TMEM163: variants seen among roughly 807,000 people sequenced by gnomAD.
The protein encoded by TMEM163 is transmembrane protein 163.
Under a neutral mutation model 29.3 loss-of-function variants are expected in TMEM163, and 17 were observed. The observed-to-expected ratio is 0.58, with a 90% CI of 0.40 to 0.87. The LOEUF is 0.87. TMEM163 is among the 40% of genes least tolerant of loss of function. The pLI, the probability that TMEM163 is intolerant of heterozygous loss-of-function variation, is 0.00. For synonymous variants in TMEM163, 157 were observed against 160.6 expected (o/e 0.98, Z 0.17); for missense variants, 303 against 381.5 (o/e 0.79, Z 1.71).
chr2:134,463,313 C>T (rs1446840785), intron 6 of TMEM163, among the ~76,000 whole-genome samples: 2 of 152,234 alleles, frequency 1.3e-5, no homozygotes, highest in Non-Finnish European at 2.9e-5. Context: ...CAGCACAGAA[C>T]CCACCTGGTG....
chr2:134,529,781 C>T (rs1680380456), intron 4 of TMEM163, among the ~76,000 whole-genome samples: 1 of 151,806 alleles, frequency 6.6e-6, no homozygotes, highest in African/African-American at 2.4e-5. Flanking sequence ...AAAAATTGTC[C>T]AGTTTTTAAA....
chr2:134,572,341 A>C (rs901891323), intron 2 of TMEM163, among the ~76,000 whole-genome samples: 4 of 152,194 alleles, frequency 2.6e-5, no homozygotes, highest in African/African-American at 9.6e-5. Context: ...CAGTCCACAA[A>C]TTCGCCATGG....
At chr2:134,588,437 G>A (rs1681867251) in intron 2 of TMEM163, among the ~76,000 whole-genome samples, 1 of 152,104 alleles carries the variant, frequency 6.6e-6, no homozygotes, top group Non-Finnish European at 1.5e-5. Flanking sequence ...ATCACCTTGG[G>A]GTCCAATCAG....
intron 2 of TMEM163, among the ~76,000 whole-genome samples, chr2:134,703,065 A>C (rs1684737114): frequency 6.6e-6 from 1 of 152,226 alleles, no homozygotes; most frequent in Non-Finnish European, 1.5e-5. Flanking sequence ...TTCAGGCTTT[A>C]CATGGTTTGA....
intron 2 of TMEM163, among the ~76,000 whole-genome samples, chr2:134,594,138 G>A (rs940172053): frequency 2.0e-5 from 3 of 152,084 alleles, no homozygotes; most frequent in African/African-American, 7.2e-5. Context: ...AGCAGAAAAC[G>A]TGTGTATCTG....
chr2:134,457,969 AG>A, intron 7 of TMEM163, 62 bp downstream of exon 7: 1 of 1,607,064 alleles, frequency 6.2e-7, no homozygotes, highest in East Asian at 2.2e-5. Context: ...TGACTGGGGA[AG>A]GCGGTGGAAA....
chr2:134,552,410 A>G (rs1334398205), intron 2 of TMEM163, among the ~76,000 whole-genome samples: 3 of 152,174 alleles, frequency 2.0e-5, no homozygotes, highest in Non-Finnish European at 4.4e-5. Flanking sequence ...AACTATATCA[A>G]ACTTTCAAAG....
At chr2:134,458,222 G>C (rs752358833) in intron 6 of TMEM163, 49 bp from the exon 7 acceptor site, 3 of 1,607,130 alleles carry the variant, frequency 1.9e-6, no homozygotes. Context: ...AGCAATCCAA[G>C]AAAATCACCC....
At chr2:134,609,865 C>G (rs893551328) in intron 2 of TMEM163, among the ~76,000 whole-genome samples, 12 of 150,538 alleles carry the variant, frequency 8.0e-5, no homozygotes, top group African/African-American at 2.7e-4. Flanking sequence ...GGACAGATCC[C>G]GAGAACTGTA....
intron 2 of TMEM163, among the ~76,000 whole-genome samples, chr2:134,579,252 T>C (rs1231930220): frequency 6.6e-6 from 1 of 152,224 alleles, no homozygotes; most frequent in Non-Finnish European, 1.5e-5. Flanking sequence ...CTTTCCAGTT[T>C]ATCAAAGCAT....
At chr2:134,676,347 C>T (rs932914290) in intron 2 of TMEM163, among the ~76,000 whole-genome samples, 3 of 152,180 alleles carry the variant, frequency 2.0e-5, no homozygotes, top group Non-Finnish European at 4.4e-5. Flanking sequence ...AATCTCCACT[C>T]ATTCCTATGG....
At position 134,462,650 on chromosome 2, in the gene TMEM163, G is replaced by A. The variant is rs139930375; in HGVS notation, c.667+3464C>T. 4.1e-4 allele frequency among the ~76,000 whole-genome samples: 62 copies of A among 152,322 alleles called. 1 individual carries two copies. The East Asian group carries it at 8.3e-3, about 20-fold the overall frequency. On this transcript the variant is annotated intron_variant, in intron 6 of 7. Coordinates refer to ENST00000281924, the MANE Select transcript of TMEM163 (RefSeq NM_030923.5). ...TTACGTGTGTGATGGATTCATGTGCGCAAACCAGAGTCAGAAGTTGTTTCA... is the reference window on the plus strand; with the variant it reads ...TTACGTGTGTGATGGATTCATGTGCACAAACCAGAGTCAGAAGTTGTTTCA...
At chr2:134,573,091 G>A (rs1681470029) in intron 2 of TMEM163, among the ~76,000 whole-genome samples, 1 of 152,146 alleles carries the variant, frequency 6.6e-6, no homozygotes, top group African/African-American at 2.4e-5. Context: ...CAACTGGCCT[G>A]AAAGAAAATT....
At chr2:134,472,555 G>A (rs993411980) in intron 5 of TMEM163, among the ~76,000 whole-genome samples, 4 of 152,182 alleles carry the variant, frequency 2.6e-5, no homozygotes, top group African/African-American at 9.7e-5. Flanking sequence ...TCTCTGAAAA[G>A]TACACATCTA....
chr2:134,648,119 G>A (rs1230215899), intron 2 of TMEM163, among the ~76,000 whole-genome samples: 3 of 152,116 alleles, frequency 2.0e-5, no homozygotes, highest in Admixed American at 6.6e-5. Flanking sequence ...TTTTATTGGC[G>A]ATGAAAGTGG....
chr2:134,669,440 G>A (rs1294876801), intron 2 of TMEM163, among the ~76,000 whole-genome samples: 1 of 152,168 alleles, frequency 6.6e-6, no homozygotes, highest in Non-Finnish European at 1.5e-5. Context: ...CAGATCCCTA[G>A]TACAGATTCT....
chr2:134,494,049 G>A (rs1002028282), intron 5 of TMEM163, among the ~76,000 whole-genome samples: 1 of 152,122 alleles, frequency 6.6e-6, no homozygotes, highest in African/African-American at 2.4e-5. Context: ...ACTAGGCACT[G>A]ATGAAAAAGG....
intron 6 of TMEM163, among the ~76,000 whole-genome samples, chr2:134,462,472 C>T (rs773499118): frequency 6.6e-6 from 1 of 152,228 alleles, no homozygotes; most frequent in Non-Finnish European, 1.5e-5. Flanking sequence ...AAGGAAGGGA[C>T]TCCCCCATGC....
chr2:134,713,523 C>T (rs1684973142), intron 1 of TMEM163: 2 of 735,948 alleles, frequency 2.7e-6, no homozygotes, highest in Non-Finnish European at 4.7e-6. Flanking sequence ...CAGGCTCTGA[C>T]AATATGGGCC....
Sources: gnomAD v4.1 joint callset for allele counts (sites outside exome capture counted in the v4.1 genomes callset) on GRCh38, gnomAD v4.1.1 for gene constraint, MANE v1.5 for transcripts, NCBI Gene and HGNC (gene_info 2026-07-23, HGNC 2026-07-21) for gene names.